The following FUNDC2 variants were observed in gnomAD, a reference collection of about 807,000 sequenced individuals.
FUNDC2 encodes FUN14 domain containing 2.
A neutral mutation model predicts 15.6 loss-of-function variants in FUNDC2; 4 were observed. The ratio of observed to expected loss-of-function variants is 0.26; its 90% CI spans 0.13 to 0.59. FUNDC2 has a LOEUF of 0.59. Among genes scored for constraint, FUNDC2 ranks in the 20% least tolerant of loss-of-function variants. The pLI, the probability that FUNDC2 is intolerant of heterozygous loss-of-function variation, is 0.90. For missense variants in FUNDC2, 98 were observed against 149.7 expected, an observed-to-expected ratio of 0.65 and a Z score of 1.80; for synonymous variants, 44 against 56.9, an observed-to-expected ratio of 0.77 and a Z score of 1.02.
At chrX:155,027,142 C>G in intron 1 of FUNDC2, 71 bp downstream of exon 1, 1 of 998,186 alleles carries the variant, frequency 1.0e-6, no homozygotes, top group Non-Finnish European at 1.3e-6. Flanking sequence ...GGGAAGGGCT[C>G]CGCGCCCGCC....
At chrX:155,051,937 T>C in intron 4 of FUNDC2, 136 bp downstream of exon 4, 1 of 590,262 alleles carries the variant, frequency 1.7e-6, no homozygotes, top group Non-Finnish European at 2.6e-6. Context: ...CAAAACTAAC[T>C]TGGATTATCA....
intron 3 of FUNDC2, chrX:155,051,407 T>G (rs2073879191): frequency 3.5e-6 from 1 of 284,819 alleles, no homozygotes; most frequent in African/African-American, 2.7e-5. Context: ...GATTTTCATC[T>G]TATGTAACTC....
At chrX:155,046,134 C>T (rs2073861538) in intron 2 of FUNDC2, among the ~76,000 whole-genome samples, 1 of 108,890 alleles carries the variant, frequency 9.2e-6, no homozygotes, top group South Asian at 4.0e-4. Flanking sequence ...ACAAACAGTT[C>T]CTCAGGTCTG....
At chrX:155,052,530 G>A (rs1448032) in intron 4 of FUNDC2, among the ~76,000 whole-genome samples, 17,855 of 111,697 alleles carry the variant, frequency 0.16, 1,655 homozygotes, top group African/African-American at 0.35. Context: ...GTAGCCTGGA[G>A]TGATGAGAGA....
At chrX:155,037,019 A>AT (rs1557289226) in intron 2 of FUNDC2, among the ~76,000 whole-genome samples, 1 of 111,436 alleles carries the variant, frequency 9.0e-6, no homozygotes, top group African/African-American at 3.3e-5. Context: ...ACCCGATGAG[A>AT]TTTTGACTGG....
chrX:155,034,179 G>T lies in FUNDC2; in HGVS notation c.284+626G>T, dbSNP rs1018376602. Among the ~76,000 whole-genome samples the T allele has an allele frequency of 1.3e-4, 15 of 112,647 alleles. No individual in the cohort carries two copies. In the East Asian group the frequency reaches 1.7e-3, roughly 13 times the overall value. ...GGCTAGCGCCCTAGAAACTCGAGAGGTTATTAAGCAGTTATTTCATTGCTT... is the reference window on the plus strand; with the variant it reads ...GGCTAGCGCCCTAGAAACTCGAGAGTTTATTAAGCAGTTATTTCATTGCTT... On this transcript the variant is annotated intron_variant, in intron 2 of 4. Transcript: ENST00000369498.
At chrX:155,053,232 G>A (rs1275779488) in intron 4 of FUNDC2, among the ~76,000 whole-genome samples, 1 of 112,210 alleles carries the variant, frequency 8.9e-6, no homozygotes, top group African/African-American at 3.2e-5. Flanking sequence ...TATTTGATTA[G>A]AACCAACTGT....
chrX:155,044,906 C>T (rs1338844197), intron 2 of FUNDC2, among the ~76,000 whole-genome samples: 1 of 112,020 alleles, frequency 8.9e-6, no homozygotes, highest in Non-Finnish European at 1.9e-5. Flanking sequence ...GATATCTGCC[C>T]TCTCATGTTC....
intron 3 of FUNDC2, among the ~76,000 whole-genome samples, chrX:155,048,463 G>A (rs946586153): frequency 3.6e-5 from 4 of 112,209 alleles, no homozygotes; most frequent in Non-Finnish European, 5.6e-5. Context: ...TGTATGTGTG[G>A]CTGTGACTCT....
intron 3 of FUNDC2, chrX:155,050,798 A>G (rs2073877425): frequency 8.9e-6 from 1 of 111,996 alleles, no homozygotes; most frequent in Non-Finnish European, 1.9e-5. Flanking sequence ...CTCTATAAGA[A>G]GTTCACTTTT....
At chrX:155,027,111 C>T (rs1277155132) in intron 1 of FUNDC2, 40 bp downstream of exon 1, 6 of 1,073,257 alleles carry the variant, frequency 5.6e-6, no homozygotes, top group African/African-American at 2.0e-5. Flanking sequence ...CGCGGGGAGC[C>T]GCCTTCCTGG....
At chrX:155,044,386 A>G (rs1488113817) in intron 2 of FUNDC2, among the ~76,000 whole-genome samples, 2 of 111,979 alleles carry the variant, frequency 1.8e-5, no homozygotes, top group Non-Finnish European at 1.9e-5. Flanking sequence ...CCTAACATTC[A>G]GAAGTCAGAA....
chrX:155,027,232 C>A, intron 1 of FUNDC2, 161 bp downstream of exon 1: 1 of 523,708 alleles, frequency 1.9e-6, no homozygotes, highest in Non-Finnish European at 2.7e-6. Flanking sequence ...GGCTCAGCCG[C>A]TCCCAGGGTC....
rs1464220869 is a variant in FUNDC2 at position 155,052,999 on chromosome X, G to A, written c.492+1198G>A. On this transcript the variant is annotated intron_variant, in intron 4 of 4. Coordinates refer to ENST00000369498, the MANE Select transcript of FUNDC2 (RefSeq NM_023934.4). ...TCCTCTGACCTCAGCCTTCTGAGTA[G>A]CTGGGTCTATAGGTGTGTACCACCA... 2.7e-5 allele frequency among the ~76,000 whole-genome samples: 3 copies of A among 111,296 alleles called. No homozygotes were observed. In the East Asian group the frequency reaches 8.4e-4, roughly 31 times the overall value.
intron 3 of FUNDC2, chrX:155,050,142 G>A (rs186136009): frequency 1.3e-4 from 14 of 111,820 alleles, no homozygotes; most frequent in South Asian, 3.7e-4. Context: ...GAGTGGAGAC[G>A]GCGGACAGCT....
At chrX:155,034,861 C>A (rs1286841762) in intron 2 of FUNDC2, among the ~76,000 whole-genome samples, 2 of 111,219 alleles carry the variant, frequency 1.8e-5, no homozygotes, top group Non-Finnish European at 3.8e-5. Flanking sequence ...CCATTTGGAT[C>A]TCCTCTTTCA....
chrX:155,049,389 T>A (rs1349470714), intron 3 of FUNDC2: 1 of 113,004 alleles, frequency 8.8e-6, no homozygotes, highest in Non-Finnish European at 1.9e-5. Context: ...AAAATCAGTT[T>A]GTTGTAGTTG....
Position 155,057,974 on chromosome X carries a change from T to G in FUNDC2, c.*3302T>G, listed in dbSNP as rs1214348606. 9.0e-6 allele frequency: 1 copy of G among 111,622 alleles called. No individual in the cohort carries two copies. Among genetic ancestry groups the G allele is most frequent in the African/African-American group, 3.3e-5 (1 of 30,615 alleles). 9.2% of individuals were successfully genotyped at this position (111,622 alleles called of 1,213,427 possible). On this transcript the variant is annotated 3_prime_UTR_variant, in exon 5 of 5. Transcript: ENST00000369498. ...CGGGAGCTGGGTGCGGGGAGAGATG[T>G]GGTGGTGGGGACCCTTGCCTGAGCA...
Position 155,027,071 on chromosome X carries a change from G to C in FUNDC2, c.133G>C (p.Gly45Arg). ...CACCGAAATGGCCGCGTCCAGTCAA[G>C]GTAAGGGCGGGCGCGCGCGCGGCCG... ...KLTEMAASSQ[G>R]NFEGNFESLD... The change falls in exon 1 of 5, where the codon GGA (glycine) becomes CGA (arginine). Residue 45 changes from glycine to arginine, a missense_variant and splice_region_variant. Gly to Arg is a moderately radical substitution (Grantham distance 125). Transcript: ENST00000369498. The C allele has an allele frequency of 8.6e-7, 1 of 1,156,843 alleles. No homozygotes were observed. The highest frequency in any genetic ancestry group is 1.2e-6 in the Non-Finnish European group (1 of 864,949).
Sources: gnomAD v4.1 joint callset for allele counts (sites outside exome capture counted in the v4.1 genomes callset) on GRCh38, gnomAD v4.1.1 for gene constraint, MANE v1.5 for transcripts, NCBI Gene and HGNC (gene_info 2026-07-23, HGNC 2026-07-21) for gene names.